Variants in SGF29 observed in about 807,000 individuals in gnomAD.
The protein encoded by SGF29 is SAGA-associated factor 29.
SGF29 carries 15 observed loss-of-function variants against 38.1 expected under a neutral mutation model. The observed-to-expected ratio is 0.39, with a 90% CI of 0.26 to 0.61. SGF29 has a LOEUF of 0.61. Ranked by LOEUF, SGF29 falls within the 20% of genes least tolerant of loss-of-function variation. The pLI, the probability that SGF29 is intolerant of heterozygous loss-of-function variation, is 0.49. For missense variants in SGF29, 184 were observed against 394.6 expected (o/e 0.47, Z 4.52); for synonymous variants, 151 against 160.8 (o/e 0.94, Z 0.46).
chr16:28,564,708 C>CATATATATGT (rs1555474884), intron 1 of SGF29, among the ~76,000 whole-genome samples: 12 of 50,230 alleles, frequency 2.4e-4, no homozygotes, highest in African/African-American at 6.7e-4. Flanking sequence ...TATATATATA[C>CATATATATGT]ATATATATGT....
chr16:28,567,155 G>A (rs2046839943), intron 1 of SGF29, among the ~76,000 whole-genome samples: 1 of 152,100 alleles, frequency 6.6e-6, no homozygotes, highest in Non-Finnish European at 1.5e-5. Flanking sequence ...TCTAGCCATA[G>A]AGAAGTAGAA....
chr16:28,590,736 C>A lies in SGF29; in HGVS notation c.603-37C>A. Reference sequence around the variant, plus strand: ...TAACAGCTGAGAAGGAGCATCCCCACCCGGCCACAGGTTGATATAAGCCCC... The same window carrying A: ...TAACAGCTGAGAAGGAGCATCCCCAACCGGCCACAGGTTGATATAAGCCCC... On this transcript the variant is annotated intron_variant, in intron 8 of 9. Transcript: ENST00000317058. This position sits in a 1 kb window ranked among gnomAD's most constrained non-coding sequence, Gnocchi z 8.2. 6.2e-7 allele frequency: 1 copy of A among 1,614,080 alleles called. No homozygotes were observed. The highest frequency in any genetic ancestry group is 8.5e-7 in the Non-Finnish European group (1 of 1,179,968).
In SGF29 at chr16:28,581,095, G is replaced by A. The variant is rs767338373; in HGVS notation, c.26G>A (p.Arg9His). 4.3e-6 allele frequency: 7 copies of A among 1,613,866 alleles called. No individual in the cohort carries two copies. The highest frequency in any genetic ancestry group is 2.2e-5 in the South Asian group (2 of 91,056). The change falls in exon 2 of 10, where the codon CGC becomes CAC. Residue 9 changes from arginine to histidine, a missense_variant. By Grantham distance (29) the Arg-to-His change is conservative (BLOSUM62 0). Coordinates refer to ENST00000317058, the MANE Select transcript of SGF29 (RefSeq NM_138414.3). The stretch of plus-strand genomic sequence containing the variant: ...ATGGCCCTCGTGTCTGCCGATTCCC[G>A]CATTGCAGAACTTCTCACAGAGCTC... MALVSADS[R>H]IAELLTELHQ...
intron 1 of SGF29, among the ~76,000 whole-genome samples, chr16:28,564,737 G>GTATATA (rs1555474919): frequency 8.8e-5 from 1 of 11,352 alleles, no homozygotes; most frequent in African/African-American, 2.3e-4. Flanking sequence ...ACATATATAT[G>GTATATA]TATATATGTA....
At chr16:28,580,983 C>A in intron 1 of SGF29, 72 bp from the exon 2 acceptor site, 1 of 1,164,292 alleles carries the variant, frequency 8.6e-7, no homozygotes, top group Non-Finnish European at 1.3e-6. Flanking sequence ...CCTAATGTAT[C>A]TTTTGAGGGG....
chr16:28,571,313 G>C (rs1483854401), intron 1 of SGF29, among the ~76,000 whole-genome samples: 6 of 152,062 alleles, frequency 3.9e-5, no homozygotes, highest in Non-Finnish European at 7.3e-5. Flanking sequence ...TCTGTTGTTG[G>C]CCAGGCATGG....
intron 3 of SGF29, 169 bp downstream of exon 3, chr16:28,585,157 C>A: frequency 1.7e-6 from 1 of 590,602 alleles, no homozygotes; most frequent in Non-Finnish European, 3.0e-6. Flanking sequence ...ACCTGAAGAA[C>A]TAAAATCCCT....
chr16:28,590,846 G>A lies in SGF29; in HGVS notation c.676G>A (p.Ala226Thr). 1.2e-6 allele frequency: 2 copies of A among 1,614,018 alleles called. No homozygotes were observed. The highest frequency in any genetic ancestry group is 1.7e-6 in the Non-Finnish European group (2 of 1,179,954). The change falls in exon 9 of 10, where the codon GCC becomes ACC. Residue 226 changes from alanine to threonine, a missense_variant. Physicochemically the swap from Ala to Thr is moderately conservative, Grantham distance 58. Transcript: ENST00000317058. The surrounding 1 kb of genome is among the most constrained non-coding windows in gnomAD (Gnocchi z 8.2). ...GGCCAACCCGGAGACGGACCCTGAG[G>A]CCTTGTTCCAGAAGGAGCAGCTCGT... ...WKANPETDPEALFQKEQLVLA... is the reference protein window; with the variant it reads ...WKANPETDPETLFQKEQLVLA...
rs576163732 is a variant in SGF29, at chr16:28,565,260, C to A, written c.-16+11163C>A. Among the ~76,000 whole-genome samples the A allele has an allele frequency of 1.7e-3, 262 of 152,244 alleles. 1 individual carries two copies. Among genetic ancestry groups the A allele is most frequent in the African/African-American group, 5.4e-3 (226 of 41,538 alleles). On this transcript the variant is annotated intron_variant, in intron 1 of 9. Coordinates refer to ENST00000317058, the MANE Select transcript of SGF29 (RefSeq NM_138414.3). ...AAATGTCAGCCTCTTCTGGCAACAC[C>A]CTCACAGACACACCCAGGAACAGCG...
chr16:28,590,921 G>T lies in SGF29; in HGVS notation c.751G>T (p.Ala251Ser). 6.2e-7 allele frequency: 1 copy of T among 1,611,054 alleles called. No homozygotes were observed. Among genetic ancestry groups the T allele is most frequent in the African/African-American group, 1.3e-5 (1 of 74,962 alleles). Residue 251 changes from alanine to serine, a missense_variant, in exon 9 of 10, where the codon GCG becomes TCG. Physicochemically the swap from Ala to Ser is moderately conservative, Grantham distance 99. Coordinates refer to ENST00000317058, the MANE Select transcript of SGF29 (RefSeq NM_138414.3). This position sits in a 1 kb window ranked among gnomAD's most constrained non-coding sequence, Gnocchi z 8.2. ...CTGCTTCTACCGCGCCCTGATCCAT[G>T]CGCCCCCACAGCGGGTAAAGCAGCC... ...TTCFYRALIH[A>S]PPQRPQDDYS...
intron 1 of SGF29, among the ~76,000 whole-genome samples, chr16:28,575,618 G>A (rs1307645494): frequency 6.6e-6 from 1 of 152,246 alleles, no homozygotes; most frequent in East Asian, 1.9e-4. Flanking sequence ...CCGGGAGGCA[G>A]AGGTTGCAGT....
chr16:28,564,536 T>TAC lies in SGF29; in HGVS notation c.-16+10440_-16+10441insCA, dbSNP rs1170644102. On this transcript the variant is annotated intron_variant, in intron 1 of 9. Coordinates refer to ENST00000317058, the MANE Select transcript of SGF29 (RefSeq NM_138414.3). Reference sequence around the variant, plus strand: ...ATATATATATGTGTGTGTATATATATATGTATATATATACGTATATATATA... The same window carrying TAC: ...ATATATATATGTGTGTGTATATATATACATGTATATATATACGTATATATATA... 4.4e-5 allele frequency among the ~76,000 whole-genome samples: 5 copies of TAC among 112,660 alleles called. No individual in the cohort carries two copies. The East Asian group carries it at 1.3e-3, about 29-fold the overall frequency. The allele number at this position is 112,660 out of a possible 152,430, so 73.9% of individuals were successfully genotyped here. A position where few individuals can be genotyped will look rare whatever the true frequency, so the allele number is the denominator to read the frequency against.
At position 28,589,157 on chromosome 16, in the gene SGF29, G is replaced by A. The variant is rs1436658662; in HGVS notation, c.282G>A (p.Arg94=). The change falls in exon 5 of 10, where the codon AGG becomes AGA. Residue 94 remains arginine, a synonymous_variant. Coordinates refer to ENST00000317058, the MANE Select transcript of SGF29 (RefSeq NM_138414.3). ...IAEIKSLLEE[R]RIAAKIAGLY... The stretch of plus-strand genomic sequence containing the variant: ...AAATCAAGTCTCTGTTGGAAGAGAG[G>A]CGGATTGGTGAGTGGGAGAGAACAT... 5.6e-6 allele frequency: 9 copies of A among 1,614,124 alleles called. No homozygotes were observed. Among genetic ancestry groups the A allele is most frequent in the Non-Finnish European group, 7.6e-6 (9 of 1,179,962 alleles).
In SGF29 at chr16:28,583,107, C is replaced by T. The variant is rs79330007; in HGVS notation, c.76-1806C>T. ...GTCAGCTTCCAAAAGCAGGCGTGGT[C>T]CTGACAGACACAGGGCTTCGCCCTT... On this transcript the variant is annotated intron_variant, in intron 2 of 9. Coordinates refer to ENST00000317058, the MANE Select transcript of SGF29 (RefSeq NM_138414.3). 3.4e-3 allele frequency among the ~76,000 whole-genome samples: 518 copies of T among 152,366 alleles called. 3 individuals carry two copies. Among genetic ancestry groups the T allele is most frequent in the African/African-American group, 0.012 (503 of 41,586 alleles).
Position 28,590,934 on chromosome 16 carries a change from G to A in SGF29, c.764G>A (p.Arg255Gln), listed in dbSNP as rs2046985830. ...YRALIHAPPQ[R>Q]PQDDYSVLFE... ...GCCCTGATCCATGCGCCCCCACAGC[G>A]GGTAAAGCAGCCTCCAGGGGAGAGG... The change falls in exon 9 of 10, where the codon CGG becomes CAG. Residue 255 changes from arginine (R) to glutamine (Q), a missense_variant and splice_region_variant. Around this residue, in one of 2 missense-constraint regions of SGF29, gnomAD observed 107 missense variants for 276.9 expected, o/e 0.39. Coordinates refer to ENST00000317058, the MANE Select transcript of SGF29 (RefSeq NM_138414.3). The surrounding 1 kb of genome is among the most constrained non-coding windows in gnomAD (Gnocchi z 8.2). 5.0e-6 allele frequency: 8 copies of A among 1,607,124 alleles called. No individual in the cohort carries two copies. The highest frequency in any genetic ancestry group is 2.2e-5 in the East Asian group (1 of 44,638).
At chr16:28,554,498 T>A (rs935252962) in intron 1 of SGF29, among the ~76,000 whole-genome samples, 1 of 152,152 alleles carries the variant, frequency 6.6e-6, no homozygotes, top group Non-Finnish European at 1.5e-5. Flanking sequence ...TGTATATATA[T>A]ATAGTTCTTA....
chr16:28,580,691 A>G (rs1378824326), intron 1 of SGF29, among the ~76,000 whole-genome samples: 1 of 152,136 alleles, frequency 6.6e-6, no homozygotes, highest in African/African-American at 2.4e-5. Flanking sequence ...TATTATTACT[A>G]TCTTTTAAAG....
At position 28,563,269 on chromosome 16, in the gene SGF29, G is replaced by T. The variant is rs891533018; in HGVS notation, c.-16+9172G>T. Among the ~76,000 whole-genome samples, 8 of 152,172 alleles carry T rather than the reference G, an allele frequency of 5.3e-5. No individual in the cohort carries two copies. The South Asian group carries it at 6.2e-4, about 12-fold the overall frequency. ...GCGTGGTAAGAGTGTGTTGCCATTC[G>T]CCAGATACGTGCCAGAGGCAAGGGA... On this transcript the variant is annotated intron_variant, in intron 1 of 9. Transcript: ENST00000317058.
At position 28,554,795 on chromosome 16, in the gene SGF29, G is replaced by T. The variant is rs959451332; in HGVS notation, c.-16+698G>T. Among the ~76,000 whole-genome samples the T allele has an allele frequency of 3.3e-5, 5 of 152,130 alleles. No individual in the cohort carries two copies. In the East Asian group the frequency reaches 9.6e-4, roughly 29 times the overall value. ...TTGGTCTCCACCACTCCACTAAAAAGGCTTCTTGTCAAAGCCACCAGTGAT... is the reference window on the plus strand; with the variant it reads ...TTGGTCTCCACCACTCCACTAAAAATGCTTCTTGTCAAAGCCACCAGTGAT... On this transcript the variant is annotated intron_variant, in intron 1 of 9. Coordinates refer to ENST00000317058, the MANE Select transcript of SGF29 (RefSeq NM_138414.3).
Sources: gnomAD v4.1 joint callset for allele counts (sites outside exome capture counted in the v4.1 genomes callset) on GRCh38, gnomAD v4.1.1 for gene constraint, gnomAD v4.1.1 regional missense constraint, Gnocchi (gnomAD v3.1) non-coding constraint, MANE v1.5 for transcripts, NCBI Gene and HGNC (gene_info 2026-07-23, HGNC 2026-07-21) for gene names.